IFRD1: variants seen among roughly 807,000 people sequenced by gnomAD.
IFRD1 encodes the protein interferon related developmental regulator 1, also known as interferon-related developmental regulator 1.
IFRD1 carries 35 observed loss-of-function variants against 52.9 expected under a neutral mutation model. The observed-to-expected ratio is 0.66, with a 90% CI of 0.51 to 0.88. IFRD1 has a LOEUF of 0.88. Among genes scored for constraint, IFRD1 ranks in the 40% least tolerant of loss-of-function variants. IFRD1 has a pLI of 0.00. For synonymous variants in IFRD1, 184 were observed against 188.4 expected, an observed-to-expected ratio of 0.98 and a Z score of 0.19; for missense variants, 517 against 550.8, an observed-to-expected ratio of 0.94 and a Z score of 0.61.
chr7:112,461,000 T>G (rs1189838853), intron 5 of IFRD1, among the ~76,000 whole-genome samples: 1 of 152,178 alleles, frequency 6.6e-6, no homozygotes, highest in African/African-American at 2.4e-5. Context: ...ATGGCTTGTG[T>G]AAGTGTTGTG....
intron 9 of IFRD1, among the ~76,000 whole-genome samples, chr7:112,472,003 C>A (rs1313218450): frequency 1.3e-5 from 2 of 152,146 alleles, no homozygotes; most frequent in African/African-American, 4.8e-5. Context: ...TACTGAAACT[C>A]AGTTGTGCCT....
chr7:112,461,426 T>TTGAA (rs1795429679), intron 5 of IFRD1: 1 of 153,596 alleles, frequency 6.5e-6, no homozygotes, highest in Non-Finnish European at 1.4e-5. Context: ...TGAAGTTTAA[T>TTGAA]GATCTAGTAA....
chr7:112,439,151 A>C (rs1794797722), intron 1 of IFRD1, among the ~76,000 whole-genome samples: 1 of 152,226 alleles, frequency 6.6e-6, no homozygotes, highest in African/African-American at 2.4e-5. Flanking sequence ...AATTCTCCAA[A>C]TACAGTTTTA....
intron 11 of IFRD1, among the ~76,000 whole-genome samples, chr7:112,475,016 TG>T (rs1376083770): frequency 2.6e-5 from 4 of 152,040 alleles, no homozygotes; most frequent in African/African-American, 9.7e-5. Flanking sequence ...TGGAGTGCAG[TG>T]GCGTGATCTC....
chr7:112,454,251 T>C (rs1795234401), intron 1 of IFRD1, among the ~76,000 whole-genome samples: 1 of 152,136 alleles, frequency 6.6e-6, no homozygotes, highest in African/African-American at 2.4e-5. Flanking sequence ...GGCAGTGCAA[T>C]GGTGCTATCT....
chr7:112,433,253 G>A (rs1794584667), intron 1 of IFRD1, among the ~76,000 whole-genome samples: 1 of 152,174 alleles, frequency 6.6e-6, no homozygotes, highest in Admixed American at 6.5e-5. Flanking sequence ...CAGGGATCAG[G>A]GTTTTTAAGG....
chr7:112,425,776 A>T (rs1030750384), intron 1 of IFRD1, among the ~76,000 whole-genome samples: 1 of 152,036 alleles, frequency 6.6e-6, no homozygotes, highest in African/African-American at 2.4e-5. Context: ...TGACTAATAC[A>T]CTGGGGCACT....
intron 1 of IFRD1, among the ~76,000 whole-genome samples, chr7:112,430,000 C>T (rs897133238): frequency 3.3e-5 from 5 of 152,206 alleles, no homozygotes; most frequent in Non-Finnish European, 7.4e-5. Flanking sequence ...CTTCTTCCTA[C>T]TTCTTTATCC....
rs892778938 is a variant in IFRD1 at position 112,467,257 on chromosome 7, A to G, written c.907-724A>G. 2.0e-5 allele frequency: 3 copies of G among 152,374 alleles called. No individual in the cohort carries two copies. The South Asian group carries it at 6.2e-4, about 32-fold the overall frequency. The allele number at this position is 152,374 out of a possible 1,614,324, so 9.4% of individuals were successfully genotyped here. A position where few individuals can be genotyped will look rare whatever the true frequency, so the allele number is the denominator to read the frequency against. On this transcript the variant is annotated intron_variant, in intron 8 of 11. Transcript: ENST00000403825. ...TTGCCCATCTCCTGGCTTCTTAGTAAGAAGTGTCTGTTCTAGTTTTGATCA... is the reference window on the plus strand; with the variant it reads ...TTGCCCATCTCCTGGCTTCTTAGTAGGAAGTGTCTGTTCTAGTTTTGATCA...
chr7:112,469,653 TTTG>T (rs1357956279), intron 9 of IFRD1, among the ~76,000 whole-genome samples: 2 of 152,168 alleles, frequency 1.3e-5, no homozygotes, highest in African/African-American at 2.4e-5. Context: ...ATGCATCCCC[TTTG>T]AGTAGTAGAT....
chr7:112,450,413 T>C (rs534009497), upstream of IFRD1: 4 of 494,566 alleles, frequency 8.1e-6, no homozygotes, highest in East Asian at 1.1e-4. Flanking sequence ...CAGAGTGACG[T>C]CAGGTGGCGG....
chr7:112,464,829 A>G (rs535748586), intron 8 of IFRD1, among the ~76,000 whole-genome samples: 2 of 152,232 alleles, frequency 1.3e-5, no homozygotes, highest in Non-Finnish European at 2.9e-5. Context: ...GGACAGGGGA[A>G]GTGCTACAGC....
At chr7:112,428,220 T>A (rs1794469716) in intron 1 of IFRD1, among the ~76,000 whole-genome samples, 1 of 152,114 alleles carries the variant, frequency 6.6e-6, no homozygotes, top group Non-Finnish European at 1.5e-5. Context: ...GACAAAGGGG[T>A]GAGATCACAC....
chr7:112,472,691 C>T (rs1269158963), intron 10 of IFRD1, 75 bp from the exon 11 acceptor site: 1 of 941,916 alleles, frequency 1.1e-6, no homozygotes, highest in Non-Finnish European at 1.8e-6. Context: ...TTCTGTTAAT[C>T]AGAGTCACTC....
At chr7:112,444,409 TAACA>T (rs1351935622) in intron 1 of IFRD1, among the ~76,000 whole-genome samples, 1 of 152,202 alleles carries the variant, frequency 6.6e-6, no homozygotes, top group Admixed American at 6.5e-5. Context: ...AATCATTTCT[TAACA>T]AACAGGGATC....
intron 1 of IFRD1, among the ~76,000 whole-genome samples, chr7:112,439,310 A>G (rs1229524991): frequency 2.0e-5 from 3 of 152,206 alleles, no homozygotes; most frequent in African/African-American, 7.2e-5. Flanking sequence ...TTTTAAGGGA[A>G]GTAGGGGGAT....
chr7:112,441,471 G>C (rs1309825488), intron 1 of IFRD1, among the ~76,000 whole-genome samples: 1 of 151,862 alleles, frequency 6.6e-6, no homozygotes. Context: ...ATGTTCCCTG[G>C]AAGCCTAAGG....
chr7:112,459,145 T>C, intron 5 of IFRD1, 127 bp downstream of exon 5: 1 of 800,402 alleles, frequency 1.2e-6, no homozygotes, highest in Non-Finnish European at 2.1e-6. Flanking sequence ...GTCCAGGAGT[T>C]TGAGGCAGCG....
chr7:112,469,651 C>G (rs1052014373), intron 9 of IFRD1, among the ~76,000 whole-genome samples: 1 of 152,056 alleles, frequency 6.6e-6, no homozygotes, highest in African/African-American at 2.4e-5. Flanking sequence ...TCATGCATCC[C>G]CTTTGAGTAG....
Sources: allele counts gnomAD v4.1 joint callset (sites outside exome capture counted in the v4.1 genomes callset), GRCh38; gene constraint gnomAD v4.1.1; transcripts MANE v1.5; gene names NCBI Gene and HGNC (gene_info 2026-07-23, HGNC 2026-07-21).